Variants in OR2A5 observed in about 807,000 individuals in gnomAD.
The protein encoded by OR2A5 is olfactory receptor family 2 subfamily A member 5.
In OR2A5, 2 loss-of-function variants were observed where a neutral mutation model predicts 1.9. The observed-to-expected ratio is 1.04, with a 90% CI of 0.43 to 3.28. The LOEUF (loss-of-function observed/expected upper bound fraction) is 3.28, where lower values mean the gene tolerates loss of function less well. Ranked by LOEUF, OR2A5 falls within the 30% of genes most tolerant of loss-of-function variation. The pLI is 0.08. For missense variants in OR2A5, 391 were observed against 375.9 expected, an observed-to-expected ratio of 1.04 and a Z score of -0.33; for synonymous variants, 160 against 154.5, an observed-to-expected ratio of 1.04 and a Z score of -0.26.
rs1054929155 is a variant in OR2A5 at position 144,054,284 on chromosome 7, G to C, written c.*2947G>C. ...TTTTAGGTCAGATGTGGCTAACAAG[G>C]TTTCAGCTAGGTGCCTTATATAACT... On this transcript the variant is annotated 3_prime_UTR_variant, in exon 2 of 2. Transcript: ENST00000641693. 1.1e-4 allele frequency: 16 copies of C among 152,218 alleles called. No homozygotes were observed. The highest frequency in any genetic ancestry group is 3.6e-4 in the African/African-American group (15 of 41,460). The allele number at this position is 152,218 out of a possible 1,614,324, so 9.4% of individuals were successfully genotyped here.
In OR2A5 at chr7:144,052,440, C is replaced by T. The variant is rs2050913439; in HGVS notation, c.*1103C>T. ...GGAATTCTCTCTTTTTTCTCTCAAC[C>T]CTTGTAGTATTGTGTGAATTCAACT... On this transcript the variant is annotated 3_prime_UTR_variant, in exon 2 of 2. Transcript: ENST00000641693. 6.6e-6 allele frequency: 1 copy of T among 152,020 alleles called. No homozygotes were observed. The highest frequency in any genetic ancestry group is 2.4e-5 in the African/African-American group (1 of 41,408). 9.4% of individuals were successfully genotyped at this position (152,020 alleles called of 1,614,324 possible).
rs532787739 is a variant in OR2A5 at position 144,055,126 on chromosome 7, T to A, written c.*3789T>A. The stretch of plus-strand genomic sequence containing the variant: ...AGGAATAAAGCAAACAGGATAATTG[T>A]CTTCATATGTCCCATCGAGAATCTT... On this transcript the variant is annotated 3_prime_UTR_variant, in exon 2 of 2. Transcript: ENST00000641693. The A allele has an allele frequency of 6.6e-5, 10 of 152,328 alleles. No individual in the cohort carries two copies. The South Asian group carries it at 1.9e-3, about 28-fold the overall frequency. The allele number at this position is 152,328 out of a possible 1,614,324, so 9.4% of individuals were successfully genotyped here.
Position 144,056,658 on chromosome 7 carries a change from A to G in OR2A5, c.*5321A>G, listed in dbSNP as rs2050941431. 1 of 152,214 alleles carries G rather than the reference A, an allele frequency of 6.6e-6. No homozygotes were observed. The highest frequency in any genetic ancestry group is 1.5e-5 in the Non-Finnish European group (1 of 68,040). The allele number at this position is 152,214 out of a possible 1,614,324, so 9.4% of individuals were successfully genotyped here. A position where few individuals can be genotyped will look rare whatever the true frequency, so the allele number is the denominator to read the frequency against. On this transcript the variant is annotated 3_prime_UTR_variant, in exon 2 of 2. Transcript: ENST00000641693. Reference sequence around the variant, plus strand: ...GATAAATATTTATGTTTATGTTTAAATGCATAAAAGATTTCTTAAAGATAT... The same window carrying G: ...GATAAATATTTATGTTTATGTTTAAGTGCATAAAAGATTTCTTAAAGATAT...
rs1388984301 is a variant in OR2A5 at position 144,052,923 on chromosome 7, A to G, written c.*1586A>G. ...TTCATATAGAAAGGACTTTCTAACT[A>G]TATCTGAAAAAAATTATTACATTCC... On this transcript the variant is annotated 3_prime_UTR_variant, in exon 2 of 2. Coordinates refer to ENST00000641693, the MANE Select transcript of OR2A5 (RefSeq NM_012365.2). 6.6e-6 allele frequency: 1 copy of G among 152,222 alleles called. No individual in the cohort carries two copies. The highest frequency in any genetic ancestry group is 2.4e-5 in the African/African-American group (1 of 41,464). 9.4% of individuals were successfully genotyped at this position (152,222 alleles called of 1,614,324 possible). A position where few individuals can be genotyped will look rare whatever the true frequency, so the allele number is the denominator to read the frequency against.
rs779973893 is a variant in OR2A5 at position 144,051,524 on chromosome 7, C to T, written c.*187C>T. 2.2e-5 allele frequency: 13 copies of T among 595,992 alleles called. No individual in the cohort carries two copies. The highest frequency in any genetic ancestry group is 6.2e-5 in the Admixed American group (2 of 32,482). The allele number at this position is 595,992 out of a possible 1,614,324, so 36.9% of individuals were successfully genotyped here. On this transcript the variant is annotated 3_prime_UTR_variant, in exon 2 of 2. Coordinates refer to ENST00000641693, the MANE Select transcript of OR2A5 (RefSeq NM_012365.2). ...AAGCACATGCAGACAGGCGCTGAGCCGTGTGGTGCAGCAGAGGTGCAAAGT... is the reference window on the plus strand; with the variant it reads ...AAGCACATGCAGACAGGCGCTGAGCTGTGTGGTGCAGCAGAGGTGCAAAGT...
chr7:144,055,233 A>C lies in OR2A5; in HGVS notation c.*3896A>C, dbSNP rs974381984. On this transcript the variant is annotated 3_prime_UTR_variant, in exon 2 of 2. Transcript: ENST00000641693. ...GAATCAAAAAGTAGGTTTACATAAA[A>C]GTGGAATTAACATCAATATGAGAAA... 1 of 152,222 alleles carries C rather than the reference A, an allele frequency of 6.6e-6. No homozygotes were observed. Among genetic ancestry groups the C allele is most frequent in the African/African-American group, 2.4e-5 (1 of 41,464 alleles). 9.4% of individuals were successfully genotyped at this position (152,222 alleles called of 1,614,324 possible). A position where few individuals can be genotyped will look rare whatever the true frequency, so the allele number is the denominator to read the frequency against.
rs1233295098 is a variant in OR2A5, at chr7:144,050,950, T to C, written c.549T>C (p.Ser183=). Residue 183 remains serine (S), a synonymous_variant, in exon 2 of 2, where the codon TCT becomes TCC. Transcript: ENST00000641693. The stretch of plus-strand genomic sequence containing the variant: ...ACCACTTCTTCTGTGAAATCCTGTC[T>C]GTCCTCAAGTTGGCCTGTGCTGACA... The part of the protein sequence containing the change: ...EINHFFCEIL[S]VLKLACADTW... The C allele has an allele frequency of 6.2e-7, 1 of 1,614,098 alleles. No individual in the cohort carries two copies. Among genetic ancestry groups the C allele is most frequent in the Non-Finnish European group, 8.5e-7 (1 of 1,180,030 alleles).
In OR2A5 at chr7:144,053,897, A is replaced by T. The variant is rs939515378; in HGVS notation, c.*2560A>T. On this transcript the variant is annotated 3_prime_UTR_variant, in exon 2 of 2. Transcript: ENST00000641693. ...CCTCCTAATGCCTGTCTGCAAAATC[A>T]CATGGCCTCATAAGGCATTGCCCCA... 1.3e-5 allele frequency: 2 copies of T among 152,236 alleles called. No homozygotes were observed. The highest frequency in any genetic ancestry group is 2.9e-5 in the Non-Finnish European group (2 of 68,048). 9.4% of individuals were successfully genotyped at this position (152,236 alleles called of 1,614,324 possible).
chr7:144,050,421 G>A lies in OR2A5; in HGVS notation c.20G>A (p.Trp7Ter), dbSNP rs1366413130. 1 of 1,539,728 alleles carries A rather than the reference G, an allele frequency of 6.5e-7. No individual in the cohort carries two copies. Among genetic ancestry groups the A allele is most frequent in the African/African-American group, 1.4e-5 (1 of 72,178 alleles). Residue 7 changes from tryptophan to a stop codon, truncating the protein, a stop_gained, in exon 2 of 2, where the codon TGG (tryptophan) becomes TAG (stop). Transcript: ENST00000641693. LOFTEE classifies it low-confidence loss of function (END_TRUNC). ...AAGGGCATGACAAAAAATCAGACAT[G>A]GGTCACAGAATTCATTCTCCTGGGA... MTKNQT[W>*]VTEFILLGFP...
intron 1 of OR2A5, among the ~76,000 whole-genome samples, chr7:144,049,794 C>A (rs921182864): frequency 6.6e-6 from 1 of 152,212 alleles, no homozygotes; most frequent in Admixed American, 6.5e-5. Context: ...ACATTTAATG[C>A]AAGCTTTATT....
In OR2A5 at chr7:144,051,339, G is replaced by C. The variant is rs1586880538; in HGVS notation, c.*2G>C. The C allele has an allele frequency of 6.3e-7, 1 of 1,593,556 alleles. No individual in the cohort carries two copies. The highest frequency in any genetic ancestry group is 2.2e-5 in the East Asian group (1 of 44,792). ...TTGTGGAAACAGAGATCAAAGTGAGGGATGCCAGGGAAAGTCTAGAGGGTT... is the reference window on the plus strand; with the variant it reads ...TTGTGGAAACAGAGATCAAAGTGAGCGATGCCAGGGAAAGTCTAGAGGGTT... On this transcript the variant is annotated 3_prime_UTR_variant, in exon 2 of 2. Coordinates refer to ENST00000641693, the MANE Select transcript of OR2A5 (RefSeq NM_012365.2).
chr7:144,051,354 T>C lies in OR2A5; in HGVS notation c.*17T>C. The C allele has an allele frequency of 6.4e-7, 1 of 1,573,772 alleles. No individual in the cohort carries two copies. The highest frequency in any genetic ancestry group is 8.6e-7 in the Non-Finnish European group (1 of 1,157,758). On this transcript the variant is annotated 3_prime_UTR_variant, in exon 2 of 2. Transcript: ENST00000641693. The stretch of plus-strand genomic sequence containing the variant: ...TCAAAGTGAGGGATGCCAGGGAAAG[T>C]CTAGAGGGTTGAAGATTTGCTCCCA...
rs1300729261 is a variant in OR2A5, at chr7:144,050,303, C to G, written c.-51-48C>G. ...TCAGCACCCTGTGTGCACCATAAAC[C>G]CCCTCCTTCTGTTAACTGACTAATC... On this transcript the variant is annotated intron_variant, in intron 1 of 1. Coordinates refer to ENST00000641693, the MANE Select transcript of OR2A5 (RefSeq NM_012365.2). The G allele has an allele frequency of 1.7e-5, 13 of 774,420 alleles. No homozygotes were observed. The Admixed American group carries it at 3.0e-4, about 18-fold the overall frequency. The allele number at this position is 774,420 out of a possible 1,614,324, so 48.0% of individuals were successfully genotyped here.
At position 144,051,014 on chromosome 7, in the gene OR2A5, T is replaced by C. The variant is rs1209580432; in HGVS notation, c.613T>C (p.Phe205Leu). 1.9e-6 allele frequency: 3 copies of C among 1,614,116 alleles called. No homozygotes were observed. The highest frequency in any genetic ancestry group is 1.7e-6 in the Non-Finnish European group (2 of 1,180,038). The change falls in exon 2 of 2, where the codon TTC becomes CTC. Residue 205 changes from phenylalanine (F) to leucine (L), a missense_variant. By Grantham distance (22) the Phe-to-Leu change is conservative. Transcript: ENST00000641693. The part of the protein sequence containing the change: ...NQVVIFAASV[F>L]ILVGPLCLVL... ...GGTGGTCATCTTTGCTGCTTCAGTG[T>C]TCATCCTGGTGGGGCCGCTCTGCCT...
rs182918106 is a variant in OR2A5 at position 144,053,789 on chromosome 7, C to T, written c.*2452C>T. The T allele has an allele frequency of 1.3e-5, 2 of 152,196 alleles. No individual in the cohort carries two copies. The highest frequency in any genetic ancestry group is 1.9e-4 in the East Asian group (1 of 5,204). 9.4% of individuals were successfully genotyped at this position (152,196 alleles called of 1,614,324 possible). ...AGAAAGAATACATCCTGTAGCCAAC[C>T]CATCTTTGGAGGATTCATTACCACC... On this transcript the variant is annotated 3_prime_UTR_variant, in exon 2 of 2. Transcript: ENST00000641693.
At position 144,051,158 on chromosome 7, in the gene OR2A5, G is replaced by A. The variant is rs2050903290; in HGVS notation, c.757G>A (p.Gly253Ser). Reference protein sequence around the residue: ...SHLCMVGLFFGSAIVMYMAPK... With the variant: ...SHLCMVGLFFSSAIVMYMAPK... The stretch of plus-strand genomic sequence containing the variant: ...CCTTTGCATGGTGGGACTCTTCTTT[G>A]GCAGCGCCATTGTCATGTACATGGC... Residue 253 changes from glycine (G) to serine (S), a missense_variant, in exon 2 of 2, where the codon GGC becomes AGC. By Grantham distance (56) the Gly-to-Ser change is moderately conservative (BLOSUM62 0). Coordinates refer to ENST00000641693, the MANE Select transcript of OR2A5 (RefSeq NM_012365.2). The A allele has an allele frequency of 6.2e-7, 1 of 1,614,168 alleles. No individual in the cohort carries two copies. Among genetic ancestry groups the A allele is most frequent in the Non-Finnish European group, 8.5e-7 (1 of 1,180,032 alleles).
rs2050955631 is a variant in OR2A5, at chr7:144,058,299, T to C, written c.*6962T>C. On this transcript the variant is annotated 3_prime_UTR_variant, in exon 2 of 2. Transcript: ENST00000641693. Reference sequence around the variant, plus strand: ...TGATCTCTAGTTTCATCCATCTTGTTGTAAAATACATAATTTCATAGTTTT... The same window carrying C: ...TGATCTCTAGTTTCATCCATCTTGTCGTAAAATACATAATTTCATAGTTTT... 1 of 152,258 alleles carries C rather than the reference T, an allele frequency of 6.6e-6. No individual in the cohort carries two copies. Among genetic ancestry groups the C allele is most frequent in the African/African-American group, 2.4e-5 (1 of 41,468 alleles). The allele number at this position is 152,258 out of a possible 1,614,324, so 9.4% of individuals were successfully genotyped here.
At position 144,049,081 on chromosome 7, in the gene OR2A5, A is replaced by G. The variant is rs2050883111; in HGVS notation, c.-104A>G. ...TCAAAAGCTCCTGTGATCTCTGCACAATTTCTCTAAATAGAATTATATTTC... is the reference window on the plus strand; with the variant it reads ...TCAAAAGCTCCTGTGATCTCTGCACGATTTCTCTAAATAGAATTATATTTC... On this transcript the variant is annotated 5_prime_UTR_variant, in exon 1 of 2. Transcript: ENST00000641693. 6.6e-6 allele frequency: 1 copy of G among 152,216 alleles called. No homozygotes were observed. The highest frequency in any genetic ancestry group is 1.5e-5 in the Non-Finnish European group (1 of 68,040). The allele number at this position is 152,216 out of a possible 1,614,324, so 9.4% of individuals were successfully genotyped here. A position where few individuals can be genotyped will look rare whatever the true frequency, so the allele number is the denominator to read the frequency against.
rs953581846 is a variant in OR2A5 at position 144,051,583 on chromosome 7, C to G, written c.*246C>G. 2.0e-5 allele frequency: 9 copies of G among 441,666 alleles called. No homozygotes were observed. Among genetic ancestry groups the G allele is most frequent in the African/African-American group, 1.4e-4 (7 of 50,808 alleles). 27.4% of individuals were successfully genotyped at this position (441,666 alleles called of 1,614,324 possible). A position where few individuals can be genotyped will look rare whatever the true frequency, so the allele number is the denominator to read the frequency against. ...CTCCTACTCCCAGGTCCCACCCCTA[C>G]CCAGGATCTGCTTTCTGTTCTTTTG... On this transcript the variant is annotated 3_prime_UTR_variant, in exon 2 of 2. Transcript: ENST00000641693.
Sources: gnomAD v4.1 joint callset for allele counts (sites outside exome capture counted in the v4.1 genomes callset) on GRCh38, gnomAD v4.1.1 for gene constraint, MANE v1.5 for transcripts, NCBI Gene and HGNC (gene_info 2026-07-23, HGNC 2026-07-21) for gene names.